The following GPR39 variants were observed in gnomAD, a reference collection of about 807,000 sequenced individuals.
GPR39 encodes the protein zinc sensing receptor.
A neutral mutation model predicts 18.4 loss-of-function variants in GPR39; 23 were observed. The observed-to-expected ratio is 1.25, with a 90% CI of 0.90 to 1.77. GPR39 has a LOEUF of 1.77. Ranked by LOEUF, GPR39 falls within the 40% of genes most tolerant of loss-of-function variation. The pLI, the probability that GPR39 is intolerant of heterozygous loss-of-function variation, is 0.00. For missense variants in GPR39, 647 were observed against 602.4 expected (o/e 1.07, Z -0.78); for synonymous variants, 280 against 257.9 (o/e 1.09, Z -0.82).
intron 1 of GPR39, among the ~76,000 whole-genome samples, chr2:132,620,756 T>G (rs1194642556): frequency 1.3e-5 from 2 of 152,084 alleles, no homozygotes; most frequent in African/African-American, 4.8e-5. Context: ...TTATTTTTAT[T>G]TATTTAGTTA....
intron 1 of GPR39, among the ~76,000 whole-genome samples, chr2:132,502,032 G>C (rs1044937639): frequency 6.6e-6 from 1 of 152,076 alleles, no homozygotes; most frequent in Non-Finnish European, 1.5e-5. Context: ...TATTCATTCT[G>C]CCATCTTGTA....
At chr2:132,605,973 A>G (rs982914619) in intron 1 of GPR39, 8 of 152,184 alleles carry the variant, frequency 5.3e-5, no homozygotes, top group African/African-American at 1.9e-4. Flanking sequence ...TGGTGGAGCC[A>G]TGGCCTCCCC....
intron 1 of GPR39, among the ~76,000 whole-genome samples, chr2:132,549,526 C>T (rs982010022): frequency 2.0e-5 from 3 of 152,162 alleles, no homozygotes; most frequent in Non-Finnish European, 1.5e-5. Context: ...CGGTGGCTCA[C>T]GCCTGTAATC....
In GPR39 at chr2:132,629,159, A is replaced by G. The variant is rs967936771; in HGVS notation, c.857-15942A>G. On this transcript the variant is annotated intron_variant, in intron 1 of 1. Transcript: ENST00000329321. ...AAGCTGGAGCACTGGACTCAGATGG[A>G]GACTGGTGATAAGGCTTGGAAGACA... Among the ~76,000 whole-genome samples the G allele has an allele frequency of 5.9e-5, 9 of 152,190 alleles. No individual in the cohort carries two copies. In the East Asian group the frequency reaches 1.7e-3, roughly 29 times the overall value.
chr2:132,636,816 T>G (rs1286154243), intron 1 of GPR39, among the ~76,000 whole-genome samples: 1 of 152,228 alleles, frequency 6.6e-6, no homozygotes, highest in Non-Finnish European at 1.5e-5. Flanking sequence ...GTGGTATGCA[T>G]CGACTTGCTG....
chr2:132,451,026 T>A (rs1429395959), intron 1 of GPR39, among the ~76,000 whole-genome samples: 1 of 152,126 alleles, frequency 6.6e-6, no homozygotes, highest in Non-Finnish European at 1.5e-5. Context: ...GCTGGTGGGA[T>A]CAACCTGCCC....
intron 1 of GPR39, among the ~76,000 whole-genome samples, chr2:132,531,943 G>C (rs1175221640): frequency 6.6e-6 from 1 of 152,184 alleles, no homozygotes; most frequent in Non-Finnish European, 1.5e-5. Context: ...AAAAGAACTA[G>C]AGAAGCAAGA....
chr2:132,610,692 A>G (rs7593717), intron 1 of GPR39, among the ~76,000 whole-genome samples: 36,164 of 149,850 alleles, frequency 0.24, 4,885 homozygotes, highest in African/African-American at 0.36. Context: ...AAGGAGAATC[A>G]CTTGAACCTG....
intron 1 of GPR39, among the ~76,000 whole-genome samples, chr2:132,602,931 T>A (rs1411097027): frequency 6.7e-6 from 1 of 149,930 alleles, no homozygotes; most frequent in African/African-American, 2.4e-5. Context: ...TGACATACTG[T>A]TGGTGATCAT....
intron 1 of GPR39, among the ~76,000 whole-genome samples, chr2:132,590,914 TG>T (rs1282703147): frequency 1.3e-5 from 2 of 151,750 alleles, no homozygotes; most frequent in Non-Finnish European, 2.9e-5. Context: ...ACCCTCAACC[TG>T]GGTGGGCACC....
chr2:132,489,294 G>A (rs568110658), intron 1 of GPR39, among the ~76,000 whole-genome samples: 2 of 152,154 alleles, frequency 1.3e-5, no homozygotes, highest in East Asian at 3.9e-4. Flanking sequence ...ATTGGCAGGC[G>A]CCGGCGCTGT....
intron 1 of GPR39, among the ~76,000 whole-genome samples, chr2:132,644,137 G>A (rs1681933939): frequency 6.6e-6 from 1 of 152,178 alleles, no homozygotes; most frequent in African/African-American, 2.4e-5. Context: ...CATGATACCT[G>A]TGATTTCAGT....
chr2:132,611,791 T>A (rs987012491), intron 1 of GPR39, among the ~76,000 whole-genome samples: 1 of 152,216 alleles, frequency 6.6e-6, no homozygotes, highest in African/African-American at 2.4e-5. Flanking sequence ...TTGATTGACT[T>A]GCATTTGTTC....
At chr2:132,569,371 CTA>C (rs1380085693) in intron 1 of GPR39, among the ~76,000 whole-genome samples, 1 of 152,064 alleles carries the variant, frequency 6.6e-6, no homozygotes, top group Non-Finnish European at 1.5e-5. Context: ...TGGCTGAGCT[CTA>C]TATTCTAGCT....
intron 1 of GPR39, among the ~76,000 whole-genome samples, chr2:132,547,313 A>G (rs1679967389): frequency 6.6e-6 from 1 of 152,196 alleles, no homozygotes; most frequent in Admixed American, 6.5e-5. Flanking sequence ...CACGTACATT[A>G]ATTCCGGTCT....
chr2:132,641,334 A>C (rs1437866678), intron 1 of GPR39, among the ~76,000 whole-genome samples: 2 of 152,204 alleles, frequency 1.3e-5, no homozygotes, highest in Non-Finnish European at 2.9e-5. Context: ...CATTGGTTGC[A>C]TTGTAGTGTA....
At chr2:132,528,230 A>G (rs1335570986) in intron 1 of GPR39, among the ~76,000 whole-genome samples, 1 of 152,180 alleles carries the variant, frequency 6.6e-6, no homozygotes, top group African/African-American at 2.4e-5. Context: ...GTTGAAGATC[A>G]GATGGTTGTG....
intron 1 of GPR39, among the ~76,000 whole-genome samples, chr2:132,442,288 G>A (rs1001031579): frequency 5.3e-5 from 8 of 152,178 alleles, no homozygotes; most frequent in Admixed American, 2.0e-4. Context: ...GCATGAGGTC[G>A]TTGCAACAAA....
chr2:132,594,417 G>A, intron 1 of GPR39, among the ~76,000 whole-genome samples: 1 of 151,886 alleles, frequency 6.6e-6, no homozygotes, highest in East Asian at 1.9e-4. Context: ...AAATTTTTAT[G>A]CAGGGATGTT....
Sources: allele counts gnomAD v4.1 joint callset (sites outside exome capture counted in the v4.1 genomes callset), GRCh38; gene constraint gnomAD v4.1.1; transcripts MANE v1.5; gene names NCBI Gene and HGNC (gene_info 2026-07-23, HGNC 2026-07-21).